TRPC4: variants seen among roughly 807,000 people sequenced by gnomAD.
TRPC4 encodes the protein transient receptor potential cation channel subfamily C member 4.
Under a neutral mutation model 99.4 loss-of-function variants are expected in TRPC4, and 49 were observed. That is an observed-to-expected ratio of 0.49 (90% CI 0.39 to 0.63). TRPC4 has a LOEUF of 0.63. Among genes scored for constraint, TRPC4 ranks in the 20% least tolerant of loss-of-function variants. The pLI, the probability that TRPC4 is intolerant of heterozygous loss-of-function variation, is 0.00. For missense variants in TRPC4, 898 were observed against 1,152.9 expected (o/e 0.78, Z 3.20); for synonymous variants, 454 against 425.9 (o/e 1.07, Z -0.81).
chr13:37,666,561 G>C (rs1952653136), intron 5 of TRPC4, among the ~76,000 whole-genome samples: 1 of 152,148 alleles, frequency 6.6e-6, no homozygotes, highest in South Asian at 2.1e-4. Context: ...ATTTAACAAA[G>C]TGATTTTTAT....
At chr13:37,670,234 C>T (rs1177772140) in intron 5 of TRPC4, among the ~76,000 whole-genome samples, 7 of 152,142 alleles carry the variant, frequency 4.6e-5, no homozygotes, top group South Asian at 2.1e-4. Flanking sequence ...TGTGACAAGC[C>T]GAGGTGACTA....
rs1484279863 is a variant in TRPC4, at chr13:37,633,118, TA to T, written c.*3784del. The stretch of plus-strand genomic sequence containing the variant: ...TTTAACATGATTCTAAAATTCAAAT[TA>T]AAAAAGGCATGTGATAACACTGTAT... On this transcript the variant is annotated 3_prime_UTR_variant, in exon 11 of 11. Coordinates refer to ENST00000379705, the MANE Select transcript of TRPC4 (RefSeq NM_016179.4). 6.6e-6 allele frequency among the ~76,000 whole-genome samples: 1 copy of T among 152,076 alleles called. No individual in the cohort carries two copies. The highest frequency in any genetic ancestry group is 1.5e-5 in the Non-Finnish European group (1 of 67,996).
chr13:37,860,031 CAT>C (rs1216719333), intron 1 of TRPC4, among the ~76,000 whole-genome samples: 2 of 150,908 alleles, frequency 1.3e-5, no homozygotes, highest in Non-Finnish European at 3.0e-5. Flanking sequence ...GCTCATCAAA[CAT>C]ATGGATAAAT....
chr13:37,687,612 ATGTAATTTTT>A (rs1953529769), intron 4 of TRPC4, among the ~76,000 whole-genome samples: 1 of 152,340 alleles, frequency 6.6e-6, no homozygotes, highest in African/African-American at 2.4e-5. Flanking sequence ...TCTAGTTTTC[ATGTAATTTTT>A]TAATAAAAAT....
intron 2 of TRPC4, among the ~76,000 whole-genome samples, chr13:37,760,627 C>T (rs1444868256): frequency 6.6e-6 from 1 of 151,926 alleles, no homozygotes; most frequent in African/African-American, 2.4e-5. Context: ...AAGTCCATGG[C>T]CCACAGGCTG....
intron 1 of TRPC4, among the ~76,000 whole-genome samples, chr13:37,865,468 T>C (rs1374468622): frequency 6.6e-6 from 1 of 151,536 alleles, no homozygotes; most frequent in East Asian, 1.9e-4. Context: ...TTTTTACATG[T>C]ATTAGATTTA....
chr13:37,698,944 A>G (rs1327312789), intron 3 of TRPC4, among the ~76,000 whole-genome samples: 8 of 152,178 alleles, frequency 5.3e-5, no homozygotes, highest in Admixed American at 1.3e-4. Flanking sequence ...ATGCACCACC[A>G]TATGCCTTCA....
In TRPC4 at chr13:37,738,157, C is replaced by A. The variant is rs150324524; in HGVS notation, c.897+7780G>T. Among the ~76,000 whole-genome samples the A allele has an allele frequency of 1.2e-4, 18 of 152,080 alleles. No homozygotes were observed. The East Asian group carries it at 2.9e-3, about 25-fold the overall frequency. On this transcript the variant is annotated intron_variant, in intron 3 of 10. Transcript: ENST00000379705. Reference sequence around the variant, plus strand: ...TAAAGAAATAAAAGCTCTGAGAGTCCTGAGAAATGAGCAGGATGTACAGTA... The same window carrying A: ...TAAAGAAATAAAAGCTCTGAGAGTCATGAGAAATGAGCAGGATGTACAGTA...
At chr13:37,756,147 C>T (rs1046911636) in intron 2 of TRPC4, among the ~76,000 whole-genome samples, 25 of 152,072 alleles carry the variant, frequency 1.6e-4, no homozygotes, top group African/African-American at 6.0e-4. Flanking sequence ...AATTTATATA[C>T]ATATGTGTGT....
At chr13:37,865,115 T>C (rs1959650639) in intron 1 of TRPC4, among the ~76,000 whole-genome samples, 1 of 151,796 alleles carries the variant, frequency 6.6e-6, no homozygotes, top group Admixed American at 6.6e-5. Context: ...TATATATGTT[T>C]AGTAAATATC....
At chr13:37,853,781 C>T (rs1188899494) in intron 1 of TRPC4, among the ~76,000 whole-genome samples, 2 of 151,754 alleles carry the variant, frequency 1.3e-5, no homozygotes, top group Non-Finnish European at 2.9e-5. Flanking sequence ...AAATGTAATT[C>T]ACATGTTGAA....
At chr13:37,664,603 C>T (rs530388362) in intron 5 of TRPC4, among the ~76,000 whole-genome samples, 129 of 152,000 alleles carry the variant, frequency 8.5e-4, no homozygotes, top group Admixed American at 4.1e-3. Flanking sequence ...CAAATATGCT[C>T]TTTTAGATAT....
At chr13:37,711,240 T>C (rs1954474443) in intron 3 of TRPC4, among the ~76,000 whole-genome samples, 1 of 152,014 alleles carries the variant, frequency 6.6e-6, no homozygotes, top group Non-Finnish European at 1.5e-5. Flanking sequence ...AGTTTAAAGA[T>C]AATATATTCC....
intron 6 of TRPC4, 71 bp from the exon 7 acceptor site, chr13:37,655,354 G>T: frequency 2.8e-6 from 2 of 725,334 alleles, no homozygotes; most frequent in Middle Eastern, 4.5e-4. Context: ...AAACAATAAA[G>T]CTTGGCATGA....
At chr13:37,677,625 CTTGCAG>C (rs1463016905) in intron 4 of TRPC4, among the ~76,000 whole-genome samples, 1 of 152,066 alleles carries the variant, frequency 6.6e-6, no homozygotes, top group Non-Finnish European at 1.5e-5. Context: ...TCTATGTGTG[CTTGCAG>C]TTAACAAAAG....
At chr13:37,775,645 C>G (rs928494) in intron 2 of TRPC4, among the ~76,000 whole-genome samples, 34,672 of 151,474 alleles carry the variant, frequency 0.23, 4,062 homozygotes, top group Admixed American at 0.27. Flanking sequence ...TTCTCTCTCT[C>G]TCACTCCTGC....
At chr13:37,823,404 G>T (rs528230723) in intron 1 of TRPC4, among the ~76,000 whole-genome samples, 1 of 145,596 alleles carries the variant, frequency 6.9e-6, no homozygotes, top group African/African-American at 2.5e-5. Flanking sequence ...TATGGTTTTA[G>T]GTCTAACGTT....
chr13:37,694,869 C>T lies in TRPC4; in HGVS notation c.898-2534G>A, dbSNP rs189236366. Among the ~76,000 whole-genome samples, 46 of 152,108 alleles carry T rather than the reference C, an allele frequency of 3.0e-4. 1 individual carries two copies. The highest frequency in any genetic ancestry group is 1.8e-3 in the Admixed American group (28 of 15,284). ...TGATCCAATCATAGGATTGAAATAA[C>T]CCAAAAAGTATTCTGAGAATCATTG... On this transcript the variant is annotated intron_variant, in intron 3 of 10. Transcript: ENST00000379705.
intron 1 of TRPC4, among the ~76,000 whole-genome samples, chr13:37,857,834 C>T (rs181631483): frequency 2.5e-4 from 38 of 151,658 alleles, no homozygotes; most frequent in African/African-American, 2.9e-4. Context: ...TTTGGAGAAA[C>T]GCTTCAGAAC....
Sources: allele counts gnomAD v4.1 joint callset (sites outside exome capture counted in the v4.1 genomes callset), GRCh38; gene constraint gnomAD v4.1.1; transcripts MANE v1.5; gene names NCBI Gene and HGNC (gene_info 2026-07-23, HGNC 2026-07-21).